Variants in MFHAS1 observed in about 807,000 individuals in gnomAD.
MFHAS1 encodes multifunctional ROCO family signaling regulator 1.
A neutral mutation model predicts 70.4 loss-of-function variants in MFHAS1; 50 were observed. That is an observed-to-expected ratio of 0.71 (90% CI 0.57 to 0.90). MFHAS1 has a LOEUF of 0.90. Ranked by LOEUF, MFHAS1 falls within the 40% of genes least tolerant of loss-of-function variation. The pLI is 0.00. For missense variants in MFHAS1, 1,795 were observed against 1,347.6 expected (o/e 1.33, Z -5.20); for synonymous variants, 952 against 620.0 (o/e 1.54, Z -7.96).
intron 1 of MFHAS1, among the ~76,000 whole-genome samples, chr8:8,856,867 G>A (rs965384486): frequency 6.8e-6 from 1 of 146,812 alleles, no homozygotes; most frequent in Non-Finnish European, 1.5e-5. Flanking sequence ...ACAGGGCTTT[G>A]TTTATACACT....
rs1029671799 is a variant in MFHAS1, at chr8:8,855,230, G to C, written c.2998+34831C>G. Among the ~76,000 whole-genome samples, 4 of 152,222 alleles carry C rather than the reference G, an allele frequency of 2.6e-5. No homozygotes were observed. In the South Asian group the frequency reaches 8.3e-4, roughly 31 times the overall value. On this transcript the variant is annotated intron_variant, in intron 1 of 2. Transcript: ENST00000276282. Reference sequence around the variant, plus strand: ...GGCCTCCCAAAGTGCTGGGATCACAGGCGTGAGCCACCACACTCAGCCGAC... The same window carrying C: ...GGCCTCCCAAAGTGCTGGGATCACACGCGTGAGCCACCACACTCAGCCGAC...
Position 8,891,298 on chromosome 8 carries a change from G to C in MFHAS1, c.1761C>G (p.Arg587=), listed in dbSNP as rs1240350126. 1 of 1,611,444 alleles carries C rather than the reference G, an allele frequency of 6.2e-7. No individual in the cohort carries two copies. The stretch of plus-strand genomic sequence containing the variant: ...AGTAGGCTGCGTGGGGGCTGGCAGA[G>C]CGCAGCTCGAAGTCCCGGGCCAGTG... ...DEALARDFEL[R]SASPHAAYYG... is the part of the protein sequence containing the mutation. The change falls in exon 1 of 3, where the codon CGC becomes CGG. Residue 587 remains arginine (R), a synonymous_variant. Transcript: ENST00000276282. This position sits in a 1 kb window ranked among gnomAD's most constrained non-coding sequence, Gnocchi z 5.4.
chr8:8,830,429 A>T (rs1323581422), intron 1 of MFHAS1, among the ~76,000 whole-genome samples: 3 of 152,184 alleles, frequency 2.0e-5, no homozygotes, highest in African/African-American at 7.2e-5. Flanking sequence ...CAGGGCAGAG[A>T]ATACAAGTAA....
At chr8:8,795,574 C>T (rs1377266814) in intron 2 of MFHAS1, among the ~76,000 whole-genome samples, 1 of 152,218 alleles carries the variant, frequency 6.6e-6, no homozygotes, top group East Asian at 1.9e-4. Flanking sequence ...TGATATTTTC[C>T]AGCAAGGATA....
At chr8:8,866,253 T>G (rs1378150806) in intron 1 of MFHAS1, among the ~76,000 whole-genome samples, 1 of 152,046 alleles carries the variant, frequency 6.6e-6, no homozygotes. Context: ...ACGATAAAAC[T>G]CTGACGCTGA....
chr8:8,841,893 A>C (rs558304316), intron 1 of MFHAS1, among the ~76,000 whole-genome samples: 1 of 152,320 alleles, frequency 6.6e-6, no homozygotes, highest in East Asian at 1.9e-4. Context: ...ACCTTATGTG[A>C]GATTTTCTGC....
intron 2 of MFHAS1, among the ~76,000 whole-genome samples, chr8:8,792,264 T>C (rs1206187778): frequency 1.2e-5 from 1 of 86,208 alleles, no homozygotes; most frequent in Non-Finnish European, 2.5e-5. Flanking sequence ...ATCTGCTTCA[T>C]ACTAACACAC....
chr8:8,866,493 T>G (rs1182496651), intron 1 of MFHAS1, among the ~76,000 whole-genome samples: 1 of 152,064 alleles, frequency 6.6e-6, no homozygotes, highest in Admixed American at 6.6e-5. Flanking sequence ...TAATTTTTTA[T>G]TTTTTGTAGA....
chr8:8,803,057 G>T (rs928881480), intron 1 of MFHAS1, among the ~76,000 whole-genome samples: 1 of 152,102 alleles, frequency 6.6e-6, no homozygotes, highest in Non-Finnish European at 1.5e-5. Context: ...ACTCTTAAGG[G>T]GTTTTGGGGA....
intron 1 of MFHAS1, among the ~76,000 whole-genome samples, chr8:8,828,677 C>G (rs145762116): frequency 1.6e-3 from 246 of 152,320 alleles, no homozygotes; most frequent in African/African-American, 5.6e-3. Flanking sequence ...ACTGGAGATG[C>G]CCACTGCCCA....
chr8:8,845,868 T>C (rs985078578), intron 1 of MFHAS1, among the ~76,000 whole-genome samples: 4 of 152,108 alleles, frequency 2.6e-5, no homozygotes, highest in South Asian at 2.1e-4. Context: ...ATCTTTCTGG[T>C]TGTCAGGCCA....
chr8:8,870,514 G>A (rs547733766), intron 1 of MFHAS1, among the ~76,000 whole-genome samples: 15 of 152,134 alleles, frequency 9.9e-5, no homozygotes, highest in South Asian at 2.1e-4. Flanking sequence ...ATTTACAGAC[G>A]TGCATTGATA....
intron 1 of MFHAS1, among the ~76,000 whole-genome samples, chr8:8,838,966 C>G (rs181160415): frequency 1.1e-3 from 170 of 152,256 alleles, no homozygotes; most frequent in Non-Finnish European, 2.0e-3. Flanking sequence ...TGCAGGGTCT[C>G]TTTGCTCCAC....
intron 1 of MFHAS1, among the ~76,000 whole-genome samples, chr8:8,840,106 T>C (rs1430327618): frequency 6.6e-6 from 1 of 151,784 alleles, no homozygotes; most frequent in Non-Finnish European, 1.5e-5. Flanking sequence ...AAGCACCTAC[T>C]GTTCCAACCC....
chr8:8,837,547 G>A (rs1176252168), intron 1 of MFHAS1, among the ~76,000 whole-genome samples: 1 of 151,986 alleles, frequency 6.6e-6, no homozygotes, highest in Non-Finnish European at 1.5e-5. Context: ...AGAGGCTGAG[G>A]CACAAGAATT....
chr8:8,850,811 CAA>C (rs149181304), intron 1 of MFHAS1, among the ~76,000 whole-genome samples: 39,725 of 105,128 alleles, frequency 0.38, 6,689 homozygotes, highest in East Asian at 0.68. Flanking sequence ...AACTCCGTCT[CAA>C]AAAAAAAAAA....
At chr8:8,854,489 C>G (rs1333714076) in intron 1 of MFHAS1, among the ~76,000 whole-genome samples, 1 of 151,088 alleles carries the variant, frequency 6.6e-6, no homozygotes, top group Non-Finnish European at 1.5e-5. Context: ...CCACTGCACT[C>G]CAGCCTGGGC....
intron 1 of MFHAS1, among the ~76,000 whole-genome samples, chr8:8,859,381 C>T: frequency 6.6e-6 from 1 of 152,172 alleles, no homozygotes; most frequent in Non-Finnish European, 1.5e-5. Context: ...TGTTTCCTAA[C>T]TGTGGAACTT....
Position 8,783,717 on chromosome 8 carries a change from C to G in MFHAS1, c.*2305G>C, listed in dbSNP as rs557988257. On this transcript the variant is annotated 3_prime_UTR_variant, in exon 3 of 3. Transcript: ENST00000276282. ...AGGGACGCCTTGCTTAGAAAACATT[C>G]CTCTTGTGCTTAGTGAATCACCTAT... 1 of 152,154 alleles carries G rather than the reference C, an allele frequency of 6.6e-6. No individual in the cohort carries two copies. Among genetic ancestry groups the G allele is most frequent in the Non-Finnish European group, 1.5e-5 (1 of 68,022 alleles). 9.4% of individuals were successfully genotyped at this position (152,154 alleles called of 1,614,324 possible). A position where few individuals can be genotyped will look rare whatever the true frequency, so the allele number is the denominator to read the frequency against.
Sources: gnomAD v4.1 joint callset for allele counts (sites outside exome capture counted in the v4.1 genomes callset) on GRCh38, gnomAD v4.1.1 for gene constraint, Gnocchi (gnomAD v3.1) non-coding constraint, MANE v1.5 for transcripts, NCBI Gene and HGNC (gene_info 2026-07-23, HGNC 2026-07-21) for gene names.